The following DPP8 variants were observed in gnomAD, a reference collection of about 807,000 sequenced individuals.
DPP8 encodes the protein DPP VIII.
A neutral mutation model predicts 107.5 loss-of-function variants in DPP8; 31 were observed. The observed-to-expected ratio is 0.29, with a 90% CI of 0.22 to 0.39. The LOEUF is 0.39. DPP8 is among the 10% of genes least tolerant of loss of function. The pLI, the probability that DPP8 is intolerant of heterozygous loss-of-function variation, is 1.00. For synonymous variants in DPP8, 381 were observed against 356.6 expected (o/e 1.07, Z -0.77); for missense variants, 842 against 1,076.1 (o/e 0.78, Z 3.04).
At chr15:65,448,865 AATATAT>A (rs58549410) in intron 19 of DPP8, among the ~76,000 whole-genome samples, 2,364 of 53,090 alleles carry the variant, frequency 0.045, 248 homozygotes, top group South Asian at 0.11. Context: ...ATATATCTAA[AATATAT>A]ATATATATAT....
chr15:65,455,546 A>T, intron 16 of DPP8: 1 of 538,454 alleles, frequency 1.9e-6, no homozygotes, highest in East Asian at 8.1e-5. Context: ...CTACTTCTTT[A>T]AAGTCCTAAT....
chr15:65,507,656 T>TAAAAA (rs746039694), intron 2 of DPP8, among the ~76,000 whole-genome samples: 5 of 105,138 alleles, frequency 4.8e-5, no homozygotes, highest in Admixed American at 1.0e-4. Flanking sequence ...GATCCCAACT[T>TAAAAA]AAAAAAAAAA....
intron 4 of DPP8, among the ~76,000 whole-genome samples, chr15:65,499,998 T>C (rs958001471): frequency 6.6e-6 from 1 of 152,174 alleles, no homozygotes; most frequent in Non-Finnish European, 1.5e-5. Flanking sequence ...CAGGTTCAAG[T>C]GATCCTCCCA....
chr15:65,516,402 A>C (rs564501309), intron 1 of DPP8: 8 of 152,298 alleles, frequency 5.3e-5, no homozygotes, highest in Middle Eastern at 3.4e-3. Flanking sequence ...CTGGAAAAAG[A>C]AGCATTAAAC....
At chr15:65,448,874 A>ATATGTGTGTG (rs1555444643) in intron 19 of DPP8, among the ~76,000 whole-genome samples, 26 of 12,022 alleles carry the variant, frequency 2.2e-3, no homozygotes, top group African/African-American at 0.011. Context: ...AAATATATAT[A>ATATGTGTGTG]TATATATATA....
At chr15:65,510,093 T>G (rs1051407764) in intron 2 of DPP8, among the ~76,000 whole-genome samples, 1 of 151,876 alleles carries the variant, frequency 6.6e-6, no homozygotes, top group Non-Finnish European at 1.5e-5. Flanking sequence ...GCAGGCAGAT[T>G]GCTGGAGCTC....
chr15:65,463,498 C>T (rs552714384), intron 15 of DPP8, among the ~76,000 whole-genome samples: 2 of 151,386 alleles, frequency 1.3e-5, no homozygotes, highest in African/African-American at 4.9e-5. Flanking sequence ...GCCGACATTG[C>T]GCCATTGTAC....
intron 16 of DPP8, among the ~76,000 whole-genome samples, chr15:65,454,722 T>A (rs929427731): frequency 6.6e-6 from 1 of 151,904 alleles, no homozygotes; most frequent in Non-Finnish European, 1.5e-5. Flanking sequence ...GAGACGGAGT[T>A]TCACTATGGC....
chr15:65,470,512 A>C (rs1285862178), intron 12 of DPP8, among the ~76,000 whole-genome samples: 1 of 151,048 alleles, frequency 6.6e-6, no homozygotes, highest in Non-Finnish European at 1.5e-5. Context: ...GGGCTGAGGC[A>C]GGAGAATTGC....
chr15:65,480,828 G>A (rs2066860210), intron 9 of DPP8, among the ~76,000 whole-genome samples: 1 of 152,138 alleles, frequency 6.6e-6, no homozygotes. Flanking sequence ...CAAGTGCAGT[G>A]GTTCACACCT....
chr15:65,503,581 C>T (rs1040295535), intron 3 of DPP8, among the ~76,000 whole-genome samples: 1 of 151,942 alleles, frequency 6.6e-6, no homozygotes, highest in African/African-American at 2.4e-5. Flanking sequence ...GCTGGGATTA[C>T]AGGCGCTGCA....
At position 65,486,568 on chromosome 15, in the gene DPP8, A is replaced by T. The variant is rs140692514; in HGVS notation, c.955+1122T>A. ...GACACTGTCTTAAAAAAGTAAAATAAAAATGAGGTGCTTGCCCATCAACCA... is the reference window on the plus strand; with the variant it reads ...GACACTGTCTTAAAAAAGTAAAATATAAATGAGGTGCTTGCCCATCAACCA... On this transcript the variant is annotated intron_variant, in intron 7 of 19. Transcript: ENST00000300141. 2.7e-4 allele frequency among the ~76,000 whole-genome samples: 41 copies of T among 152,270 alleles called. No homozygotes were observed. The East Asian group carries it at 5.2e-3, about 19-fold the overall frequency.
intron 11 of DPP8, among the ~76,000 whole-genome samples, chr15:65,478,013 T>C (rs2066562969): frequency 6.6e-6 from 1 of 152,224 alleles, no homozygotes; most frequent in Admixed American, 6.5e-5. Flanking sequence ...CCCATTTACT[T>C]TTCCTAGGCT....
chr15:65,491,906 C>G (rs67739329), intron 5 of DPP8, among the ~76,000 whole-genome samples: 142,488 of 152,132 alleles, frequency 0.94, 66,738 homozygotes, highest in Admixed American at 0.96. Flanking sequence ...CTAATTTTTT[C>G]TATTTTTAGT....
chr15:65,512,195 G>T (rs2070875265), intron 2 of DPP8, 100 bp downstream of exon 2: 2 of 1,194,654 alleles, frequency 1.7e-6, no homozygotes, highest in South Asian at 1.3e-5. Flanking sequence ...AAAAGTCACT[G>T]ATTAATTTAT....
chr15:65,467,080 G>C lies in DPP8; in HGVS notation c.1680C>G (p.Cys560Trp), dbSNP rs1370231212. The change falls in exon 13 of 20, where the codon TGC (cysteine) becomes TGG (tryptophan). Residue 560 changes from cysteine (C) to tryptophan (W), a missense_variant. Cys to Trp is a radical substitution (Grantham distance 215, BLOSUM62 -2). Around this residue, in one of 2 missense-constraint regions of DPP8, gnomAD observed 663 missense variants for 758.0 expected, o/e 0.87. Coordinates refer to ENST00000300141, the MANE Select transcript of DPP8 (RefSeq NM_130434.5). ...TAAACAAACTTAATACCTGACTGAT[G>C]CAGCAAGAATGTGAGTAGCCACGGT... Reference protein sequence around the residue: ...LTDRGYSHSCCISQHCDFFIS... With the variant: ...LTDRGYSHSCWISQHCDFFIS... The C allele has an allele frequency of 6.2e-7, 1 of 1,614,122 alleles. No individual in the cohort carries two copies. The highest frequency in any genetic ancestry group is 1.1e-5 in the South Asian group (1 of 91,074).
intron 2 of DPP8, among the ~76,000 whole-genome samples, chr15:65,510,957 T>C (rs1362996218): frequency 2.0e-5 from 3 of 152,184 alleles, no homozygotes; most frequent in Admixed American, 6.6e-5. Context: ...AAAGTTTAAT[T>C]ACTCACTACT....
chr15:65,448,902 A>ATATATC (rs2063744492), intron 19 of DPP8, among the ~76,000 whole-genome samples: 1 of 82,988 alleles, frequency 1.2e-5, no homozygotes, highest in South Asian at 3.2e-4. Flanking sequence ...ATATATATAT[A>ATATATC]TATATATATA....
intron 5 of DPP8, among the ~76,000 whole-genome samples, chr15:65,494,643 A>T (rs1333691734): frequency 1.1e-5 from 1 of 90,686 alleles, no homozygotes; most frequent in East Asian, 4.2e-4. Flanking sequence ...TCTCAAAAAA[A>T]TTGAAAAAAA....
Sources: gnomAD v4.1 joint callset for allele counts (sites outside exome capture counted in the v4.1 genomes callset) on GRCh38, gnomAD v4.1.1 for gene constraint, gnomAD v4.1.1 regional missense constraint, MANE v1.5 for transcripts, NCBI Gene and HGNC (gene_info 2026-07-23, HGNC 2026-07-21) for gene names.